Variants in DMD observed in about 807,000 individuals in gnomAD.
DMD encodes mutant dystrophin.
In DMD, 63 loss-of-function variants were observed where a neutral mutation model predicts 330.1. The ratio of observed to expected loss-of-function variants is 0.19; its 90% confidence interval spans 0.16 to 0.24. The LOEUF (loss-of-function observed/expected upper bound fraction) is 0.24. Ranked by LOEUF, DMD falls within the 10% of genes least tolerant of loss-of-function variation. The pLI, the probability that DMD is intolerant of heterozygous loss-of-function variation, is 1.00. For missense variants in DMD, 3,344 were observed against 2,684.1 expected, an observed-to-expected ratio of 1.25 and a Z score of -5.43; for synonymous variants, 1,223 against 959.8, an observed-to-expected ratio of 1.27 and a Z score of -5.07.
chrX:32,494,712 T>C (rs1469765890), intron 19 of DMD, among the ~76,000 whole-genome samples: 1 of 111,602 alleles, frequency 9.0e-6, no homozygotes, highest in Non-Finnish European at 1.9e-5. Context: ...GGACCAGCTC[T>C]CTTGTGTGAA....
chrX:31,528,592 G>A (rs1014907304), intron 55 of DMD, among the ~76,000 whole-genome samples: 2 of 112,420 alleles, frequency 1.8e-5, no homozygotes, highest in African/African-American at 6.5e-5. Flanking sequence ...GAGCGCACTC[G>A]AGGCGCTCAA....
At position 31,836,775 on chromosome X, in the gene DMD, C is replaced by T; in HGVS notation, c.7143G>A (p.Glu2381=). The T allele has an allele frequency of 8.3e-7, 1 of 1,211,719 alleles. No homozygotes were observed. The highest frequency in any genetic ancestry group is 1.1e-6 in the Non-Finnish European group (1 of 895,409). Residue 2381 remains glutamate, a synonymous_variant, in exon 49 of 79, where the codon GAG becomes GAA. Coordinates refer to ENST00000357033, the MANE Select transcript of DMD (RefSeq NM_004006.3). Reference sequence around the variant, plus strand: ...ACAAATGCTGCCCTTTAGACAAAATCTCTTCCACATCCGGTTGTTTAGCTT... The same window carrying T: ...ACAAATGCTGCCCTTTAGACAAAATTTCTTCCACATCCGGTTGTTTAGCTT... ...AVQAKQPDVE[E]ILSKGQHLYK...
At chrX:31,574,784 C>T (rs1332739902) in intron 55 of DMD, among the ~76,000 whole-genome samples, 1 of 110,893 alleles carries the variant, frequency 9.0e-6, no homozygotes, top group Non-Finnish European at 1.9e-5. Context: ...CGTATTTGGC[C>T]AAATCAGACA....
intron 55 of DMD, among the ~76,000 whole-genome samples, chrX:31,595,560 T>G (rs1295015653): frequency 9.0e-6 from 1 of 111,409 alleles, no homozygotes; most frequent in Admixed American, 9.6e-5. Context: ...GTACCTCAAT[T>G]TAATGACTCC....
intron 7 of DMD, among the ~76,000 whole-genome samples, chrX:32,786,086 AGTGTGTGTGTGTGTGTGT>A (rs368269067): frequency 3.1e-5 from 3 of 96,562 alleles, no homozygotes; most frequent in Non-Finnish European, 4.2e-5. Context: ...GAGGAATAAG[AGTGTGTGTGTGTGTGTGT>A]GTGTGTGTGT....
In DMD at chrX:31,229,912, CT is replaced by C. The variant is rs1246879505; in HGVS notation, c.9287-6792del. Among the ~76,000 whole-genome samples, 3 of 112,196 alleles carry C rather than the reference CT, an allele frequency of 2.7e-5. No homozygotes were observed. In the East Asian group the frequency reaches 8.3e-4, roughly 31 times the overall value. On this transcript the variant is annotated intron_variant, in intron 63 of 78. Coordinates refer to ENST00000357033, the MANE Select transcript of DMD (RefSeq NM_004006.3). ...CAAACTCACTAGAACAGACAAGAAC[CT>C]TGGATCTTAATGAGACTTCAGACAA...
chrX:31,832,212 C>T (rs759603370), intron 49 of DMD, among the ~76,000 whole-genome samples: 5 of 112,143 alleles, frequency 4.5e-5, no homozygotes, highest in East Asian at 2.8e-4. Context: ...ATATTTATTT[C>T]GGCAACATTT....
At position 32,533,038 on chromosome X, in the gene DMD, T is replaced by C. The variant is rs139785417; in HGVS notation, c.2168+12121A>G. On this transcript the variant is annotated intron_variant, in intron 17 of 78. Coordinates refer to ENST00000357033, the MANE Select transcript of DMD (RefSeq NM_004006.3). ...GCTATAGCAGCAGAGTTGAGTAGTTTTAAAATAAATTTTATGATACACAAA... is the reference window on the plus strand; with the variant it reads ...GCTATAGCAGCAGAGTTGAGTAGTTCTAAAATAAATTTTATGATACACAAA... 6.0e-3 allele frequency among the ~76,000 whole-genome samples: 667 copies of C among 111,608 alleles called. 8 individuals carry two copies. The highest frequency in any genetic ancestry group is 0.021 in the African/African-American group (642 of 30,672).
intron 43 of DMD, among the ~76,000 whole-genome samples, chrX:32,220,529 T>G (rs774987323): frequency 9.0e-6 from 1 of 111,649 alleles, no homozygotes; most frequent in African/African-American, 3.2e-5. Context: ...CAGTATTTAA[T>G]AGGTGCTGTT....
intron 74 of DMD, among the ~76,000 whole-genome samples, chrX:31,161,326 TG>T (rs1473148395): frequency 3.6e-5 from 4 of 111,924 alleles, no homozygotes; most frequent in African/African-American, 1.3e-4. Flanking sequence ...TGATGTTCAT[TG>T]ATCTATTATT....
At position 33,039,015 on chromosome X, in the gene DMD, T is replaced by C. The variant is rs1482127568; in HGVS notation, c.32-18815A>G. On this transcript the variant is annotated intron_variant, in intron 1 of 78. Transcript: ENST00000357033. Reference sequence around the variant, plus strand: ...TCTCAAAAAAGAAAAAAAAGAAAAATGAAATTTTTTCTTCAATTTTATAGT... The same window carrying C: ...TCTCAAAAAAGAAAAAAAAGAAAAACGAAATTTTTTCTTCAATTTTATAGT... Among the ~76,000 whole-genome samples, 17 of 111,582 alleles carry C rather than the reference T, an allele frequency of 1.5e-4. No individual in the cohort carries two copies. In the Admixed American group the frequency reaches 1.5e-3, roughly 10 times the overall value.
At chrX:31,761,876 A>C (rs1401125203) in intron 51 of DMD, among the ~76,000 whole-genome samples, 1 of 112,487 alleles carries the variant, frequency 8.9e-6, no homozygotes, top group Admixed American at 9.4e-5. Context: ...AATGTGCATT[A>C]TTAAGAGTAT....
chrX:31,441,745 A>G (rs1056613158), intron 60 of DMD, among the ~76,000 whole-genome samples: 1 of 112,366 alleles, frequency 8.9e-6, no homozygotes, highest in Non-Finnish European at 1.9e-5. Flanking sequence ...AATATAAAAT[A>G]TTCTCAACAG....
chrX:31,900,373 C>T (rs1406808622), intron 47 of DMD, among the ~76,000 whole-genome samples: 1 of 110,704 alleles, frequency 9.0e-6, no homozygotes, highest in Non-Finnish European at 1.9e-5. Context: ...GTGAATAAGT[C>T]TCATGAGATC....
intron 9 of DMD, among the ~76,000 whole-genome samples, chrX:32,648,404 C>A (rs1346526407): frequency 1.8e-5 from 2 of 111,525 alleles, no homozygotes; most frequent in African/African-American, 6.5e-5. Context: ...AAGTCAGAAT[C>A]CATTCATGGT....
intron 4 of DMD, among the ~76,000 whole-genome samples, chrX:32,834,645 G>A (rs1265606869): frequency 9.0e-6 from 1 of 111,405 alleles, no homozygotes; most frequent in Non-Finnish European, 1.9e-5. Context: ...GTGATTTAAT[G>A]TATAGCAATG....
intron 45 of DMD, among the ~76,000 whole-genome samples, chrX:31,939,592 A>G (rs961470634): frequency 2.7e-5 from 3 of 111,503 alleles, no homozygotes; most frequent in Non-Finnish European, 3.8e-5. Flanking sequence ...TAAACATTTT[A>G]GAGTGTTGTG....
At chrX:31,989,695 T>G (rs1194506360) in intron 44 of DMD, among the ~76,000 whole-genome samples, 2 of 111,757 alleles carry the variant, frequency 1.8e-5, no homozygotes, top group Non-Finnish European at 3.8e-5. Context: ...AGAAATGAAC[T>G]TATATACAAT....
intron 49 of DMD, among the ~76,000 whole-genome samples, chrX:31,833,491 T>A (rs1457054181): frequency 9.0e-6 from 1 of 111,490 alleles, no homozygotes; most frequent in Non-Finnish European, 1.9e-5. Flanking sequence ...GTACTACCTA[T>A]ACGTCATTAG....
Sources: gnomAD v4.1 joint callset for allele counts (sites outside exome capture counted in the v4.1 genomes callset) on GRCh38, gnomAD v4.1.1 for gene constraint, MANE v1.5 for transcripts, NCBI Gene and HGNC (gene_info 2026-07-23, HGNC 2026-07-21) for gene names.